PDZD2: variants seen among roughly 807,000 people sequenced by gnomAD.
PDZD2 encodes the protein PDZ domain-containing protein 2.
In PDZD2, 90 loss-of-function variants were observed where a neutral mutation model predicts 220.7. The ratio of observed to expected loss-of-function variants is 0.41; its 90% CI spans 0.34 to 0.49. The LOEUF is 0.49. Ranked by LOEUF, PDZD2 falls within the 20% of genes least tolerant of loss-of-function variation. The pLI is 0.28. For missense variants in PDZD2, 3,174 were observed against 3,608.5 expected (o/e 0.88, Z 3.08); for synonymous variants, 1,375 against 1,450.5 (o/e 0.95, Z 1.18).
intron 2 of PDZD2, among the ~76,000 whole-genome samples, chr5:31,927,379 GT>G (rs66741917): frequency 0.59 from 90,070 of 151,758 alleles, 27,116 homozygotes; most frequent in East Asian, 0.78. Context: ...TTTTTTGGGT[GT>G]TTTTTTGTTT....
chr5:31,950,009 T>A (rs1236279813), intron 2 of PDZD2, among the ~76,000 whole-genome samples: 1 of 152,130 alleles, frequency 6.6e-6, no homozygotes, highest in Admixed American at 6.6e-5. Context: ...ATGCCAGAAC[T>A]GCATCAGATT....
At chr5:31,988,294 T>G (rs1223578071) in intron 3 of PDZD2, among the ~76,000 whole-genome samples, 4 of 152,238 alleles carry the variant, frequency 2.6e-5, no homozygotes, top group Non-Finnish European at 5.9e-5. Context: ...CCTGGTTAAC[T>G]GTCTGCCTCC....
intron 24 of PDZD2, among the ~76,000 whole-genome samples, chr5:32,103,240 TAAAAC>T (rs1744434588): frequency 6.6e-6 from 1 of 151,874 alleles, no homozygotes; most frequent in South Asian, 2.1e-4. Context: ...TGTATTTATT[TAAAAC>T]AAACAAACAA....
chr5:31,956,198 A>C (rs1407039084), intron 2 of PDZD2, among the ~76,000 whole-genome samples: 1 of 152,142 alleles, frequency 6.6e-6, no homozygotes, highest in Admixed American at 6.5e-5. Flanking sequence ...TGATCTATCC[A>C]TTGTTCAAAG....
Position 32,059,295 on chromosome 5 carries a change from C to T in PDZD2, c.2257C>T (p.Pro753Ser). 1.2e-6 allele frequency: 2 copies of T among 1,613,836 alleles called. No homozygotes were observed. Among genetic ancestry groups the T allele is most frequent in the Non-Finnish European group, 1.7e-6 (2 of 1,179,724 alleles). The change falls in exon 13 of 25, where the codon CCT becomes TCT. Residue 753 changes from proline (P) to serine (S), a missense_variant. Physicochemically the swap from Pro to Ser is moderately conservative, Grantham distance 74. This residue lies in a region of PDZD2 where 1,861 missense variants were observed against 2,001.0 expected (regional missense o/e 0.93). Coordinates refer to ENST00000438447, the MANE Select transcript of PDZD2 (RefSeq NM_178140.4). Reference protein sequence around the residue: ...ACCLALENSPPGIYIHSLAPG... With the variant: ...ACCLALENSPSGIYIHSLAPG... The stretch of plus-strand genomic sequence containing the variant: ...CTGCTTGGCTCTGGAAAACAGTCCT[C>T]CTGGCATCTACATTCACAGCCTTGC...
intron 2 of PDZD2, among the ~76,000 whole-genome samples, chr5:31,824,766 G>T (rs1393445181): frequency 6.6e-6 from 1 of 151,906 alleles, no homozygotes; most frequent in South Asian, 2.1e-4. Context: ...ATTTTAAAAT[G>T]GGAATAAAAT....
chr5:31,784,710 C>CA (rs200556920), intron 1 of PDZD2, among the ~76,000 whole-genome samples: 15,143 of 152,102 alleles, frequency 0.1, 826 homozygotes, highest in South Asian at 0.18. Flanking sequence ...AGTTCAAGAC[C>CA]AGCCTGGCCA....
chr5:31,880,791 C>CTTTTTTTCTTTTTTTTTTTTTT (rs1580978227), intron 2 of PDZD2, among the ~76,000 whole-genome samples: 4 of 76,484 alleles, frequency 5.2e-5, no homozygotes, highest in Non-Finnish European at 9.5e-5. Context: ...TTTTTTTTTT[C>CTTTTTTTCTTTTTTTTTTTTTT]TTTTTTTTTT....
intron 1 of PDZD2, among the ~76,000 whole-genome samples, chr5:31,694,994 T>A (rs1747319104): frequency 1.3e-5 from 2 of 151,938 alleles, no homozygotes; most frequent in South Asian, 4.2e-4. Flanking sequence ...CGTGGTGGCG[T>A]GTGCCTATAA....
chr5:31,911,753 A>G (rs1399407316), intron 2 of PDZD2, among the ~76,000 whole-genome samples: 1 of 152,172 alleles, frequency 6.6e-6, no homozygotes, highest in Non-Finnish European at 1.5e-5. Context: ...CAGAAAAATC[A>G]TGCTGCCTCC....
chr5:31,667,542 G>A (rs1382501116), intron 1 of PDZD2, among the ~76,000 whole-genome samples: 2 of 151,576 alleles, frequency 1.3e-5, no homozygotes, highest in Non-Finnish European at 2.9e-5. Context: ...AATGAGGAGA[G>A]GCCTGAGCTA....
At position 32,025,480 on chromosome 5, in the gene PDZD2, G is replaced by A. The variant is rs554677014; in HGVS notation, c.1408-11751G>A. On this transcript the variant is annotated intron_variant, in intron 6 of 24. Transcript: ENST00000438447. ...GTGGAGGTTGTGGTGAGCCAAGATC[G>A]CGCCATTGCACTCCAGCCTGGACAA... Among the ~76,000 whole-genome samples, 688 of 149,670 alleles carry A rather than the reference G, an allele frequency of 4.6e-3. 8 individuals carry two copies. Among genetic ancestry groups the A allele is most frequent in the African/African-American group, 0.016 (643 of 40,640 alleles).
chr5:32,068,932 C>A (rs935193993), intron 14 of PDZD2, among the ~76,000 whole-genome samples: 1 of 152,096 alleles, frequency 6.6e-6, no homozygotes, highest in Non-Finnish European at 1.5e-5. Flanking sequence ...GTATACTACT[C>A]TTGCACTACT....
intron 4 of PDZD2, among the ~76,000 whole-genome samples, chr5:31,999,483 G>A (rs1296890678): frequency 6.6e-6 from 1 of 151,770 alleles, no homozygotes; most frequent in Non-Finnish European, 1.5e-5. Flanking sequence ...ACTCCACTCC[G>A]GCCTGGATGA....
intron 1 of PDZD2, among the ~76,000 whole-genome samples, chr5:31,796,539 C>T (rs953342223): frequency 6.6e-6 from 1 of 152,062 alleles, no homozygotes; most frequent in Non-Finnish European, 1.5e-5. Context: ...CTTTCAGAGT[C>T]GCAGTACTGA....
intron 1 of PDZD2, among the ~76,000 whole-genome samples, chr5:31,649,508 A>C (rs1745263505): frequency 6.6e-6 from 1 of 152,046 alleles, no homozygotes; most frequent in Non-Finnish European, 1.5e-5. Context: ...TATTTGATTT[A>C]TTCATTTATT....
chr5:32,080,347 C>CAAAAAAAAA (rs35491724), intron 19 of PDZD2, among the ~76,000 whole-genome samples: 2 of 54,278 alleles, frequency 3.7e-5, no homozygotes, highest in African/African-American at 8.0e-5. Context: ...GACTCCATCT[C>CAAAAAAAAA]AAAAAAAAAA....
intron 1 of PDZD2, among the ~76,000 whole-genome samples, chr5:31,690,254 C>T (rs142540211): frequency 0.023 from 3,573 of 152,182 alleles, 81 homozygotes; most frequent in South Asian, 0.074. Flanking sequence ...CACTAAACTT[C>T]GGTTTGCTCC....
At position 32,098,293 on chromosome 5, in the gene PDZD2, T is replaced by C. The variant is rs1743918966; in HGVS notation, c.7948-71T>C. 5 of 1,458,974 alleles carry C rather than the reference T, an allele frequency of 3.4e-6. No individual in the cohort carries two copies. The highest frequency in any genetic ancestry group is 4.7e-6 in the Non-Finnish European group (5 of 1,059,970). 90.4% of individuals were successfully genotyped at this position (1,458,974 alleles called of 1,614,324 possible). A position where few individuals can be genotyped will look rare whatever the true frequency, so the allele number is the denominator to read the frequency against. ...TCCTTTACTACAGATACGCAGTTAG[T>C]TACTATCTCCCTTTTACCGGAAATC... On this transcript the variant is annotated intron_variant, in intron 22 of 24. Coordinates refer to ENST00000438447, the MANE Select transcript of PDZD2 (RefSeq NM_178140.4). The surrounding 1 kb of genome is among the most constrained non-coding windows in gnomAD (Gnocchi z 4.1).
Sources: gnomAD v4.1 joint callset for allele counts (sites outside exome capture counted in the v4.1 genomes callset) on GRCh38, gnomAD v4.1.1 for gene constraint, gnomAD v4.1.1 regional missense constraint, Gnocchi (gnomAD v3.1) non-coding constraint, MANE v1.5 for transcripts, NCBI Gene and HGNC (gene_info 2026-07-23, HGNC 2026-07-21) for gene names.